Variants in DUSP29 observed in about 807,000 individuals in gnomAD.
The protein encoded by DUSP29 is atypical dual-specific protein phosphatase.
In DUSP29, 12 loss-of-function variants were observed where a neutral mutation model predicts 13.5. The observed-to-expected ratio is 0.89, with a 90% CI of 0.57 to 1.44. The LOEUF is 1.44. Among genes scored for constraint, DUSP29 ranks in the 40% most tolerant of loss-of-function variants. DUSP29 has a pLI of 0.00. For missense variants in DUSP29, 308 were observed against 301.1 expected (o/e 1.02, Z -0.17); for synonymous variants, 134 against 128.7 (o/e 1.04, Z -0.28).
intron 1 of DUSP29, among the ~76,000 whole-genome samples, chr10:75,064,738 T>C (rs576719137): frequency 6.6e-6 from 1 of 152,244 alleles, no homozygotes; most frequent in South Asian, 2.1e-4. Context: ...TTAATCTGAA[T>C]TTGAAACTGT....
intron 2 of DUSP29, among the ~76,000 whole-genome samples, chr10:75,052,196 T>C (rs931032133): frequency 2.0e-5 from 3 of 152,204 alleles, no homozygotes; most frequent in Non-Finnish European, 4.4e-5. Context: ...ACTCAATGGT[T>C]TTCTGAATAA....
chr10:75,045,537 G>GAGGGA (rs1564640111), intron 2 of DUSP29, among the ~76,000 whole-genome samples: 2 of 152,234 alleles, frequency 1.3e-5, no homozygotes, highest in Non-Finnish European at 1.5e-5. Flanking sequence ...AGGCGGTCAG[G>GAGGGA]AAAGGCCACT....
intron 2 of DUSP29, among the ~76,000 whole-genome samples, chr10:75,055,066 T>C (rs779531854): frequency 6.6e-6 from 1 of 152,108 alleles, no homozygotes; most frequent in Non-Finnish European, 1.5e-5. Flanking sequence ...ACTTGCAAAC[T>C]CCTGGGCTCA....
intron 3 of DUSP29, among the ~76,000 whole-genome samples, chr10:75,040,101 G>A (rs574546388): frequency 2.0e-5 from 3 of 152,002 alleles, no homozygotes; most frequent in African/African-American, 4.8e-5. Context: ...GCTTGAATCC[G>A]GGAGGTGGAG....
chr10:75,058,255 G>T (rs986411154), intron 2 of DUSP29, 60 bp downstream of exon 2: 1 of 1,563,132 alleles, frequency 6.4e-7, no homozygotes, highest in Non-Finnish European at 8.7e-7. Flanking sequence ...GGTGGCGCAG[G>T]GCGTGGCCTG....
intron 2 of DUSP29, among the ~76,000 whole-genome samples, chr10:75,049,696 C>T (rs1428105530): frequency 6.6e-6 from 1 of 152,246 alleles, no homozygotes; most frequent in African/African-American, 2.4e-5. Context: ...TTCATTCGTG[C>T]TCGGTGCCTT....
rs1375144742 is a variant in DUSP29 at position 75,059,192 on chromosome 10, C to T, written c.-34-644G>A. ...GCCTGGCCATCACTGTGTTAACTTACCAAGGGGATTGGAAGAGATGCCCCA... is the reference window on the plus strand; with the variant it reads ...GCCTGGCCATCACTGTGTTAACTTATCAAGGGGATTGGAAGAGATGCCCCA... On this transcript the variant is annotated intron_variant, in intron 1 of 3. Transcript: ENST00000338487. Among the ~76,000 whole-genome samples, 6 of 152,142 alleles carry T rather than the reference C, an allele frequency of 3.9e-5. No homozygotes were observed. In the East Asian group the frequency reaches 1.2e-3, roughly 29 times the overall value.
Position 75,038,057 on chromosome 10 carries a change from C to T in DUSP29, c.442G>A (p.Val148Ile), listed in dbSNP as rs190150687. ...DDHSKILVHC[V>I]MGRSRSATLV... ...GTGGCTGACCGGCTGCGGCCCATGA[C>T]GCAGTGAACCAGGATCTTACCTGCA... The change falls in exon 4 of 4, where the codon GTC becomes ATC. Residue 148 changes from valine to isoleucine, a missense_variant. Transcript: ENST00000338487. The T allele has an allele frequency of 1.5e-5, 25 of 1,613,438 alleles. No individual in the cohort carries two copies. Among genetic ancestry groups the T allele is most frequent in the Admixed American group, 1.2e-4 (7 of 60,024 alleles).
chr10:75,068,056 A>G (rs1847241285), intron 1 of DUSP29, among the ~76,000 whole-genome samples: 1 of 151,508 alleles, frequency 6.6e-6, no homozygotes, highest in African/African-American at 2.4e-5. Context: ...CAAATGATCC[A>G]CCCCCATCAG....
rs566305789 is a variant in DUSP29 at position 75,037,914 on chromosome 10, C to T, written c.585G>A (p.Glu195=). The change falls in exon 4 of 4, where the codon GAG becomes GAA. Residue 195 remains glutamate (E), a synonymous_variant. Coordinates refer to ENST00000338487, the MANE Select transcript of DUSP29 (RefSeq NM_001003892.3). ...TCTGCTGCACCAGCTGCTTGTCCAG[C>T]TCCCGGAGCTGCTTCAAAAAGCCCC... ...PNRGFLKQLR[E]LDKQLVQQRR... is the part of the protein sequence containing the mutation. 30 of 1,613,854 alleles carry T rather than the reference C, an allele frequency of 1.9e-5. No individual in the cohort carries two copies. The East Asian group carries it at 5.6e-4, about 30-fold the overall frequency.
chr10:75,065,894 T>G (rs1008083903), intron 1 of DUSP29, among the ~76,000 whole-genome samples: 2 of 151,906 alleles, frequency 1.3e-5, no homozygotes, highest in Non-Finnish European at 2.9e-5. Context: ...TATTTTATTT[T>G]ATTTTATTAT....
rs552107964 is a variant in DUSP29 at position 75,051,866 on chromosome 10, T to C, written c.200+6449A>G. ...AGCTTATAACCTTTGCATGGCTGCA[T>C]TGGCGGTAGAGTTAATTGCTCTTGC... On this transcript the variant is annotated intron_variant, in intron 2 of 3. Transcript: ENST00000338487. Among the ~76,000 whole-genome samples the C allele has an allele frequency of 2.9e-4, 44 of 152,366 alleles. 1 individual carries two copies. In the South Asian group the frequency reaches 8.9e-3, roughly 31 times the overall value.
intron 1 of DUSP29, among the ~76,000 whole-genome samples, chr10:75,060,603 C>A (rs1277249757): frequency 6.6e-6 from 1 of 152,016 alleles, no homozygotes; most frequent in Non-Finnish European, 1.5e-5. Context: ...AAACTATATA[C>A]TACTGGGTTG....
chr10:75,063,166 G>A (rs754645719), intron 1 of DUSP29, among the ~76,000 whole-genome samples: 1 of 152,194 alleles, frequency 6.6e-6, no homozygotes, highest in East Asian at 1.9e-4. Context: ...CCATTAAGGG[G>A]GCAGCAGCTT....
In DUSP29 at chr10:75,058,307, G is replaced by A; in HGVS notation, c.200+8C>T. 2.5e-6 allele frequency: 4 copies of A among 1,608,982 alleles called. No individual in the cohort carries two copies. The highest frequency in any genetic ancestry group is 3.4e-6 in the Non-Finnish European group (4 of 1,176,464). On this transcript the variant is annotated splice_region_variant and intron_variant, in intron 2 of 3. Coordinates refer to ENST00000338487, the MANE Select transcript of DUSP29 (RefSeq NM_001003892.3). ...TGCTCCCAAGCGAGCCTGGGCCTGGGCACTTACTCATCGCCAATGTAGAGC... is the reference window on the plus strand; with the variant it reads ...TGCTCCCAAGCGAGCCTGGGCCTGGACACTTACTCATCGCCAATGTAGAGC...
chr10:75,072,924 C>A (rs118176189), intron 1 of DUSP29, among the ~76,000 whole-genome samples: 7 of 151,990 alleles, frequency 4.6e-5, no homozygotes, highest in African/African-American at 1.4e-4. Flanking sequence ...AGGCCCATCC[C>A]GCCTCCTGCC....
Sources: allele counts gnomAD v4.1 joint callset (sites outside exome capture counted in the v4.1 genomes callset), GRCh38; gene constraint gnomAD v4.1.1; transcripts MANE v1.5; gene names NCBI Gene and HGNC (gene_info 2026-07-23, HGNC 2026-07-21).